CDH19: variants seen among roughly 807,000 people sequenced by gnomAD.
CDH19 encodes the protein cadherin-19.
Under a neutral mutation model 64.2 loss-of-function variants are expected in CDH19, and 67 were observed. That is an observed-to-expected ratio of 1.04 (90% CI 0.86 to 1.28). CDH19 has a LOEUF of 1.28. Ranked by LOEUF, CDH19 falls within the 50% of genes most tolerant of loss-of-function variation. The probability of loss-of-function intolerance (pLI) is 0.00; values close to 1 mark genes in which losing one functional copy is unlikely to be tolerated. For synonymous variants in CDH19, 346 were observed against 319.3 expected, an observed-to-expected ratio of 1.08 and a Z score of -0.89; for missense variants, 1,030 against 929.0, an observed-to-expected ratio of 1.11 and a Z score of -1.41.
chr18:66,565,093 A>T lies in CDH19; in HGVS notation c.490+3323T>A, dbSNP rs116386418. On this transcript the variant is annotated intron_variant, in intron 3 of 11. Transcript: ENST00000262150. ...ACTCATTTATTTATTCAATCCTTCC[A>T]AATCTCAGTCACTCTATGACTTGTG... is the stretch of plus-strand genomic sequence containing the variant. Among the ~76,000 whole-genome samples, 765 of 151,946 alleles carry T rather than the reference A, an allele frequency of 5.0e-3. 10 individuals carry two copies. Among genetic ancestry groups the T allele is most frequent in the African/African-American group, 0.017 (722 of 41,520 alleles).
chr18:66,567,906 A>G (rs1001345896), intron 3 of CDH19, among the ~76,000 whole-genome samples: 1 of 151,838 alleles, frequency 6.6e-6, no homozygotes, highest in Non-Finnish European at 1.5e-5. Flanking sequence ...AACAACAACA[A>G]CACTGGGTTT....
intron 3 of CDH19, among the ~76,000 whole-genome samples, chr18:66,565,036 T>A (rs1987858783): frequency 1.3e-5 from 2 of 151,900 alleles, no homozygotes; most frequent in Admixed American, 1.3e-4. Flanking sequence ...TCTAATCACT[T>A]ATTTAGCATT....
intron 3 of CDH19, among the ~76,000 whole-genome samples, chr18:66,559,674 A>G (rs188748651): frequency 7.0e-4 from 92 of 130,832 alleles, no homozygotes; most frequent in Middle Eastern, 4.5e-3. Flanking sequence ...TTTTTAATAT[A>G]TGAATATATA....
At chr18:66,553,708 A>G (rs1987418324) in intron 4 of CDH19, among the ~76,000 whole-genome samples, 1 of 133,792 alleles carries the variant, frequency 7.5e-6, no homozygotes, top group South Asian at 2.4e-4. Context: ...AAGGAAAAAA[A>G]ATTACATGGG....
chr18:66,511,620 A>G lies in CDH19; in HGVS notation c.1524T>C (p.Asn508=). ...ESIEEHHFYF[N]LSVEDTNNSS... ...AATTGTTAGTGTCTTCTACAGATAG[A>G]TTAAAGTAAAAATGGTGCTCTTCTA... Residue 508 remains asparagine (N), a synonymous_variant, in exon 10 of 12, where the codon AAT becomes AAC. Transcript: ENST00000262150. The G allele has an allele frequency of 6.4e-7, 1 of 1,566,996 alleles. No individual in the cohort carries two copies. The highest frequency in any genetic ancestry group is 8.8e-7 in the Non-Finnish European group (1 of 1,138,388).
Position 66,529,781 on chromosome 18 carries a change from G to T in CDH19, c.1458+64C>A, listed in dbSNP as rs1475563333. 5 of 931,960 alleles carry T rather than the reference G, an allele frequency of 5.4e-6. No individual in the cohort carries two copies. In the Admixed American group the frequency reaches 8.6e-5, roughly 16 times the overall value. The allele number at this position is 931,960 out of a possible 1,614,324, so 57.7% of individuals were successfully genotyped here. Reference sequence around the variant, plus strand: ...ATAACAATATTGTATAATATATGAAGAAATTTCATATTATGAAACAATGAT... The same window carrying T: ...ATAACAATATTGTATAATATATGAATAAATTTCATATTATGAAACAATGAT... On this transcript the variant is annotated intron_variant, in intron 9 of 11. Coordinates refer to ENST00000262150, the MANE Select transcript of CDH19 (RefSeq NM_021153.4).
intron 11 of CDH19, among the ~76,000 whole-genome samples, chr18:66,506,260 G>A (rs72952473): frequency 0.12 from 18,943 of 151,912 alleles, 1,417 homozygotes; most frequent in Admixed American, 0.17. Context: ...CTATTATACC[G>A]TAGGGTGATT....
intron 1 of CDH19, among the ~76,000 whole-genome samples, chr18:66,592,532 T>A (rs902278459): frequency 1.3e-5 from 2 of 151,272 alleles, no homozygotes; most frequent in Non-Finnish European, 3.0e-5. Flanking sequence ...TTTCCCCATT[T>A]CCTCTTCTTC....
At chr18:66,579,771 T>C (rs909729855) in intron 1 of CDH19, among the ~76,000 whole-genome samples, 6 of 152,054 alleles carry the variant, frequency 3.9e-5, no homozygotes, top group Admixed American at 3.9e-4. Flanking sequence ...GTATAAGGTA[T>C]AATACATACT....
chr18:66,531,630 A>C (rs1986449362), intron 8 of CDH19, among the ~76,000 whole-genome samples: 1 of 152,098 alleles, frequency 6.6e-6, no homozygotes, highest in African/African-American at 2.4e-5. Flanking sequence ...AAAAGAGTCA[A>C]TGTAACACAT....
chr18:66,504,633 T>C lies in CDH19; in HGVS notation c.*179A>G, dbSNP rs943780941. On this transcript the variant is annotated 3_prime_UTR_variant, in exon 12 of 12. Transcript: ENST00000262150. ...TTGTTTACATTTCTCCCCACATCTC[T>C]GTTCAATGACAGCATGTAGGTAGCT... 1 of 531,088 alleles carries C rather than the reference T, an allele frequency of 1.9e-6. No homozygotes were observed. The highest frequency in any genetic ancestry group is 3.3e-6 in the Non-Finnish European group (1 of 307,624). The allele number at this position is 531,088 out of a possible 1,614,324, so 32.9% of individuals were successfully genotyped here.
chr18:66,598,932 T>C, intron 1 of CDH19, among the ~76,000 whole-genome samples: 1 of 152,206 alleles, frequency 6.6e-6, no homozygotes, highest in African/African-American at 2.4e-5. Flanking sequence ...AATAAGAATA[T>C]ATTATTATTT....
At chr18:66,514,455 A>AT (rs1985641879) in intron 9 of CDH19, among the ~76,000 whole-genome samples, 2 of 151,424 alleles carry the variant, frequency 1.3e-5, no homozygotes, top group Non-Finnish European at 3.0e-5. Flanking sequence ...GGGTAAGAGT[A>AT]CAGCCAATGA....
At chr18:66,580,021 T>G (rs1319714282) in intron 1 of CDH19, among the ~76,000 whole-genome samples, 1 of 152,038 alleles carries the variant, frequency 6.6e-6, no homozygotes, top group Non-Finnish European at 1.5e-5. Flanking sequence ...TGAGTTCGGG[T>G]CACGAGTATT....
At chr18:66,530,077 A>T in intron 8 of CDH19, 111 bp from the exon 9 acceptor site, 1 of 462,468 alleles carries the variant, frequency 2.2e-6, no homozygotes, top group Non-Finnish European at 3.6e-6. Context: ...TTTTACTTGA[A>T]AAAAGCAATC....
In CDH19 at chr18:66,591,801, TGAA is replaced by T. The variant is rs1357652217; in HGVS notation, c.-113+12150_-113+12152del. ...AAAATTAAATCTTGGGGTTCTATTT[TGAA>T]GACATTTTTTGCACATTCTGGACAT... On this transcript the variant is annotated intron_variant, in intron 1 of 11. Coordinates refer to ENST00000262150, the MANE Select transcript of CDH19 (RefSeq NM_021153.4). Among the ~76,000 whole-genome samples the T allele has an allele frequency of 2.0e-5, 3 of 152,034 alleles. No homozygotes were observed. The South Asian group carries it at 6.2e-4, about 31-fold the overall frequency.
chr18:66,593,759 G>A (rs1294468775), intron 1 of CDH19, among the ~76,000 whole-genome samples: 1 of 152,000 alleles, frequency 6.6e-6, no homozygotes, highest in East Asian at 1.9e-4. Context: ...TTAATAATTT[G>A]CTGTATAGCT....
chr18:66,536,796 T>C (rs1439989048), intron 7 of CDH19, among the ~76,000 whole-genome samples: 1 of 151,832 alleles, frequency 6.6e-6, no homozygotes, highest in African/African-American at 2.4e-5. Context: ...AAAATTTGTT[T>C]GGCTTTGAGG....
chr18:66,518,388 C>T (rs1941726), intron 9 of CDH19, among the ~76,000 whole-genome samples: 3,058 of 152,050 alleles, frequency 0.02, 89 homozygotes, highest in African/African-American at 0.07. Context: ...TGCCCACCAC[C>T]GTGCCCAGCT....
Sources: gnomAD v4.1 joint callset for allele counts (sites outside exome capture counted in the v4.1 genomes callset) on GRCh38, gnomAD v4.1.1 for gene constraint, MANE v1.5 for transcripts, NCBI Gene and HGNC (gene_info 2026-07-23, HGNC 2026-07-21) for gene names.